Variants in ZNF644 observed in about 807,000 individuals in gnomAD.
ZNF644 encodes zinc finger protein 644, also known as zinc finger motif enhancer binding protein 2.
ZNF644 carries 20 observed loss-of-function variants against 108.0 expected under a neutral mutation model. The observed-to-expected ratio is 0.19, with a 90% CI of 0.13 to 0.27. The LOEUF (loss-of-function observed/expected upper bound fraction) is 0.27, where lower values mean the gene tolerates loss of function less well. Among genes scored for constraint, ZNF644 ranks in the 10% least tolerant of loss-of-function variants. ZNF644 has a pLI of 1.00. For synonymous variants in ZNF644, 542 were observed against 539.1 expected, an observed-to-expected ratio of 1.01 and a Z score of -0.08; for missense variants, 1,338 against 1,548.9, an observed-to-expected ratio of 0.86 and a Z score of 2.29.
In ZNF644 at chr1:90,940,096, T is replaced by C. The variant is rs1651788850; in HGVS notation, c.1258A>G (p.Arg420Gly). ...YPCTKCNVNFREKKHLHRHMM... is the reference protein window; with the variant it reads ...YPCTKCNVNFGEKKHLHRHMM... ...TGCCTGTGGAGGTGCTTCTTCTCCC[T>C]AAAATTCACATTGCACTTTGTACAG... The change falls in exon 3 of 6, where the codon AGG becomes GGG. Residue 420 changes from arginine to glycine, a missense_variant. Transcript: ENST00000337393. 1 of 1,613,996 alleles carries C rather than the reference T, an allele frequency of 6.2e-7. No homozygotes were observed. Among genetic ancestry groups the C allele is most frequent in the Non-Finnish European group, 8.5e-7 (1 of 1,179,976 alleles).
chr1:90,970,780 T>C (rs2101282557), intron 2 of ZNF644, among the ~76,000 whole-genome samples: 1 of 152,074 alleles, frequency 6.6e-6, no homozygotes, highest in East Asian at 1.9e-4. Flanking sequence ...GGAGGGCAGA[T>C]CACAAGGTCA....
chr1:90,919,269 G>A (rs10801834), intron 4 of ZNF644, among the ~76,000 whole-genome samples: 50,925 of 151,790 alleles, frequency 0.34, 9,767 homozygotes, highest in Non-Finnish European at 0.44. Context: ...GGATACAAAT[G>A]TAACAGAAGA....
At chr1:90,955,819 C>A (rs538966899) in intron 2 of ZNF644, among the ~76,000 whole-genome samples, 2 of 152,320 alleles carry the variant, frequency 1.3e-5, no homozygotes, top group South Asian at 2.1e-4. Context: ...TGGAGTAGTA[C>A]TTTTAATTTC....
At position 90,937,521 on chromosome 1, in the gene ZNF644, A is replaced by C. The variant is rs762216260; in HGVS notation, c.3652T>G (p.Tyr1218Asp). ...GTCAAGTCCATTTTTTGTGGCTGATACATCAACGGACTATCCTCATTTAAT... is the reference window on the plus strand; with the variant it reads ...GTCAAGTCCATTTTTTGTGGCTGATCCATCAACGGACTATCCTCATTTAAT... Reference protein sequence around the residue: ...LPLNEDSPLMYQPQKMDLTMH... With the variant: ...LPLNEDSPLMDQPQKMDLTMH... Residue 1218 changes from tyrosine (Y) to aspartate (D), a missense_variant, in exon 4 of 6, where the codon TAT becomes GAT. Physicochemically the swap from Tyr to Asp is radical, Grantham distance 160. Transcript: ENST00000337393. 8 of 1,613,750 alleles carry C rather than the reference A, an allele frequency of 5.0e-6. No homozygotes were observed. Among genetic ancestry groups the C allele is most frequent in the Admixed American group, 3.3e-5 (2 of 59,990 alleles).
intron 2 of ZNF644, among the ~76,000 whole-genome samples, chr1:90,956,309 A>T (rs1295580570): frequency 2.0e-5 from 3 of 152,222 alleles, no homozygotes; most frequent in Non-Finnish European, 4.4e-5. Context: ...TTGTTGAGAA[A>T]ATGATACCTG....
At chr1:90,950,181 GGCA>G (rs2101035895) in intron 2 of ZNF644, among the ~76,000 whole-genome samples, 1 of 149,180 alleles carries the variant, frequency 6.7e-6, no homozygotes, top group Non-Finnish European at 1.5e-5. Context: ...AGGAGGCTGA[GGCA>G]GCAGCATTGC....
At chr1:90,966,238 G>A (rs913574882) in intron 2 of ZNF644, among the ~76,000 whole-genome samples, 6 of 152,132 alleles carry the variant, frequency 3.9e-5, no homozygotes, top group Middle Eastern at 3.2e-3. Context: ...TACTAGAAGA[G>A]CACTCTTAGT....
chr1:90,940,558 T>C lies in ZNF644; in HGVS notation c.796A>G (p.Ile266Val). The C allele has an allele frequency of 6.2e-7, 1 of 1,614,024 alleles. No individual in the cohort carries two copies. The highest frequency in any genetic ancestry group is 8.5e-7 in the Non-Finnish European group (1 of 1,179,958). The change falls in exon 3 of 6, where the codon ATT becomes GTT. Residue 266 changes from isoleucine to valine, a missense_variant. Ile to Val is a conservative substitution (Grantham distance 29, BLOSUM62 3). Transcript: ENST00000337393. Reference protein sequence around the residue: ...DTNWDPQKEFIQFLMTNEETV... With the variant: ...DTNWDPQKEFVQFLMTNEETV... ...TCCTCATTAGTCATAAGAAATTGAA[T>C]GAACTCTTTTTGGGGATCCCAGTTT... is the stretch of plus-strand genomic sequence containing the variant.
chr1:90,945,300 T>C (rs972437667), intron 2 of ZNF644, among the ~76,000 whole-genome samples: 4 of 148,078 alleles, frequency 2.7e-5, no homozygotes, highest in Non-Finnish European at 4.5e-5. Flanking sequence ...TTAACTGGTT[T>C]TTAAAAGTCT....
chr1:91,013,417 A>G (rs1022715472), intron 1 of ZNF644, among the ~76,000 whole-genome samples: 1 of 151,426 alleles, frequency 6.6e-6, no homozygotes, highest in Non-Finnish European at 1.5e-5. Context: ...GACACGAATT[A>G]GGCACCCTCC....
At chr1:91,000,254 C>T (rs1053768025) in intron 1 of ZNF644, among the ~76,000 whole-genome samples, 4 of 152,198 alleles carry the variant, frequency 2.6e-5, no homozygotes, top group East Asian at 3.8e-4. Flanking sequence ...AACACCACAT[C>T]GCACTTATTC....
intron 1 of ZNF644, among the ~76,000 whole-genome samples, chr1:91,001,889 A>G (rs1203580852): frequency 1.3e-5 from 2 of 150,866 alleles, no homozygotes; most frequent in East Asian, 3.9e-4. Context: ...TTATACACCA[A>G]TAACAGAGAG....
chr1:90,987,862 A>C (rs1489298224), intron 1 of ZNF644, among the ~76,000 whole-genome samples: 1 of 152,158 alleles, frequency 6.6e-6, no homozygotes, highest in Non-Finnish European at 1.5e-5. Flanking sequence ...CCTGGAATGC[A>C]AGGACAATTA....
chr1:91,006,879 T>C (rs1297044591), intron 1 of ZNF644, among the ~76,000 whole-genome samples: 1 of 152,044 alleles, frequency 6.6e-6, no homozygotes, highest in Non-Finnish European at 1.5e-5. Flanking sequence ...GAAGTAAATA[T>C]TCTAACAACC....
chr1:90,992,684 T>G (rs1220734007), intron 1 of ZNF644, among the ~76,000 whole-genome samples: 1 of 152,206 alleles, frequency 6.6e-6, no homozygotes, highest in South Asian at 2.1e-4. Flanking sequence ...AGCCTGATTG[T>G]GAATAGCCCA....
At chr1:90,993,133 G>A (rs1304835829) in intron 1 of ZNF644, among the ~76,000 whole-genome samples, 1 of 152,094 alleles carries the variant, frequency 6.6e-6, no homozygotes, top group East Asian at 1.9e-4. Flanking sequence ...GTGGAATCCA[G>A]CAGATTTCAG....
intron 4 of ZNF644, among the ~76,000 whole-genome samples, chr1:90,936,034 C>A (rs923601027): frequency 5.3e-5 from 8 of 152,328 alleles, no homozygotes; most frequent in African/African-American, 1.7e-4. Context: ...AAACACACCA[C>A]TGAACAGCTG....
intron 4 of ZNF644, among the ~76,000 whole-genome samples, chr1:90,936,824 C>A (rs1010013816): frequency 2.6e-5 from 4 of 152,150 alleles, no homozygotes; most frequent in African/African-American, 7.2e-5. Flanking sequence ...TATTGGTGCA[C>A]CAGCACTAAG....
In ZNF644 at chr1:90,940,985, G is replaced by A. The variant is rs1471143345; in HGVS notation, c.369C>T (p.Ser123=). The change falls in exon 3 of 6, where the codon TCC becomes TCT. Residue 123 remains serine, a synonymous_variant. Coordinates refer to ENST00000337393, the MANE Select transcript of ZNF644 (RefSeq NM_201269.3). ...GAAVNGPVSH[S]SLTKTSNMNK... ...TCATATTGGAAGTCTTAGTTAAGGA[G>A]GAGTGTGAAACTGGTCCATTAACAG... The A allele has an allele frequency of 1.2e-6, 2 of 1,614,060 alleles. No individual in the cohort carries two copies. Among genetic ancestry groups the A allele is most frequent in the Non-Finnish European group, 1.7e-6 (2 of 1,179,968 alleles).
Sources: gnomAD v4.1 joint callset for allele counts (sites outside exome capture counted in the v4.1 genomes callset) on GRCh38, gnomAD v4.1.1 for gene constraint, MANE v1.5 for transcripts, NCBI Gene and HGNC (gene_info 2026-07-23, HGNC 2026-07-21) for gene names.